The following GRID1 variants were observed in gnomAD, a reference collection of about 807,000 sequenced individuals.
GRID1 encodes glutamate ionotropic receptor delta type subunit 1.
In GRID1, 28 loss-of-function variants were observed where a neutral mutation model predicts 98.0. The observed-to-expected ratio is 0.29, with a 90% confidence interval of 0.21 to 0.39. The LOEUF (loss-of-function observed/expected upper bound fraction) is 0.39, where lower values mean the gene tolerates loss of function less well. GRID1 is among the 10% of genes least tolerant of loss of function. The pLI, the probability that GRID1 is intolerant of heterozygous loss-of-function variation, is 1.00. For synonymous variants in GRID1, 553 were observed against 538.5 expected (o/e 1.03, Z -0.37); for missense variants, 1,111 against 1,340.5 (o/e 0.83, Z 2.67).
chr10:86,172,652 G>T (rs919472528), intron 3 of GRID1, among the ~76,000 whole-genome samples: 11 of 152,100 alleles, frequency 7.2e-5, no homozygotes, highest in African/African-American at 2.7e-4. Context: ...CAGGAAACTC[G>T]ATTGATAGTT....
chr10:86,099,181 T>A (rs1006783827), intron 4 of GRID1, among the ~76,000 whole-genome samples: 20 of 152,170 alleles, frequency 1.3e-4, no homozygotes, highest in African/African-American at 4.3e-4. Context: ...TGGTTCTGAG[T>A]CCACATCTAT....
At chr10:85,670,271 ATGT>A (rs1336045225) in intron 12 of GRID1, among the ~76,000 whole-genome samples, 1 of 152,114 alleles carries the variant, frequency 6.6e-6, no homozygotes, top group African/African-American at 2.4e-5. Context: ...TTGGAAAATG[ATGT>A]TGTGTAGACG....
At chr10:85,851,540 T>C (rs1295306498) in intron 8 of GRID1, among the ~76,000 whole-genome samples, 1 of 152,208 alleles carries the variant, frequency 6.6e-6, no homozygotes. Context: ...TAATCTAAAA[T>C]GTCTGGGTGA....
intron 6 of GRID1, among the ~76,000 whole-genome samples, chr10:85,864,951 T>C (rs1235010970): frequency 6.6e-6 from 1 of 152,068 alleles, no homozygotes; most frequent in Non-Finnish European, 1.5e-5. Flanking sequence ...TGAATATAAA[T>C]GGGGGGATGG....
intron 15 of GRID1, among the ~76,000 whole-genome samples, chr10:85,608,804 G>A (rs949023407): frequency 1.3e-5 from 2 of 152,228 alleles, no homozygotes; most frequent in African/African-American, 2.4e-5. Flanking sequence ...GAGATACACA[G>A]CGGTGTATGG....
chr10:86,217,643 C>G (rs963003775), intron 2 of GRID1, among the ~76,000 whole-genome samples: 2 of 152,144 alleles, frequency 1.3e-5, no homozygotes, highest in African/African-American at 2.4e-5. Flanking sequence ...CACATGCCTG[C>G]GGGTTTGGTG....
chr10:86,029,061 T>C (rs1273386637), intron 4 of GRID1, among the ~76,000 whole-genome samples: 1 of 152,180 alleles, frequency 6.6e-6, no homozygotes, highest in African/African-American at 2.4e-5. Context: ...AGTCCCCAGG[T>C]GTACCTGCAG....
chr10:85,802,288 A>G (rs117783022), intron 8 of GRID1, among the ~76,000 whole-genome samples: 5,022 of 152,228 alleles, frequency 0.033, 126 homozygotes, highest in Non-Finnish European at 0.047. Context: ...TGGGAGAGAG[A>G]ACCCAACTTA....
intron 4 of GRID1, among the ~76,000 whole-genome samples, chr10:86,101,906 T>C (rs1403159097): frequency 2.6e-5 from 4 of 152,194 alleles, no homozygotes; most frequent in Non-Finnish European, 5.9e-5. Context: ...TAATATTCCA[T>C]TGTATGGCTG....
chr10:86,052,952 A>C (rs963135154), intron 4 of GRID1, among the ~76,000 whole-genome samples: 1 of 152,232 alleles, frequency 6.6e-6, no homozygotes, highest in Non-Finnish European at 1.5e-5. Flanking sequence ...GAAAATCACT[A>C]AGAATGTGCT....
intron 2 of GRID1, among the ~76,000 whole-genome samples, chr10:86,231,824 C>T (rs1172419447): frequency 1.3e-5 from 2 of 152,174 alleles, no homozygotes. Context: ...CAAACCTCTT[C>T]ACAGTAACAT....
intron 2 of GRID1, among the ~76,000 whole-genome samples, chr10:86,321,878 G>A (rs1847975703): frequency 6.6e-6 from 1 of 152,074 alleles, no homozygotes. Flanking sequence ...CTCACAGATA[G>A]GACAACAGAA....
chr10:86,126,180 G>T (rs1037138407), intron 4 of GRID1, among the ~76,000 whole-genome samples: 1 of 152,238 alleles, frequency 6.6e-6, no homozygotes, highest in African/African-American at 2.4e-5. Context: ...ACTCGGCCGG[G>T]CGTGGTGGCT....
At chr10:86,076,740 G>C (rs1843887341) in intron 4 of GRID1, among the ~76,000 whole-genome samples, 1 of 151,430 alleles carries the variant, frequency 6.6e-6, no homozygotes, top group East Asian at 1.9e-4. Flanking sequence ...CGAGCAATCT[G>C]TTGGCAGGAT....
chr10:86,129,713 G>C (rs995080787), intron 4 of GRID1, among the ~76,000 whole-genome samples: 2 of 152,208 alleles, frequency 1.3e-5, no homozygotes, highest in Admixed American at 1.3e-4. Flanking sequence ...CTTCCACCCA[G>C]GAAGCTCATC....
chr10:86,071,522 G>T (rs73344047), intron 4 of GRID1, among the ~76,000 whole-genome samples: 1 of 152,226 alleles, frequency 6.6e-6, no homozygotes, highest in Non-Finnish European at 1.5e-5. Flanking sequence ...GCCTCTGAAA[G>T]CAACACCTTT....
chr10:85,619,605 C>T (rs566711009), intron 14 of GRID1, among the ~76,000 whole-genome samples: 2 of 152,252 alleles, frequency 1.3e-5, no homozygotes, highest in South Asian at 2.1e-4. Flanking sequence ...GACGTCCTTG[C>T]CATGTGCTAA....
chr10:86,162,990 G>A (rs1845343843), intron 3 of GRID1, among the ~76,000 whole-genome samples: 1 of 152,218 alleles, frequency 6.6e-6, no homozygotes, highest in South Asian at 2.1e-4. Context: ...TTGAGTTGGA[G>A]AGGCCTGTAC....
chr10:86,206,351 C>A lies in GRID1; in HGVS notation c.520+13G>T. 6.3e-7 allele frequency: 1 copy of A among 1,579,170 alleles called. No homozygotes were observed. ...TCCCCAAGCAGCCCCAGCTCGCCTGCCGGACAACTCACCATACTCGCTGTC... is the reference window on the plus strand; with the variant it reads ...TCCCCAAGCAGCCCCAGCTCGCCTGACGGACAACTCACCATACTCGCTGTC... On this transcript the variant is annotated intron_variant, in intron 3 of 15. Coordinates refer to ENST00000327946, the MANE Select transcript of GRID1 (RefSeq NM_017551.3). This position sits in a 1 kb window ranked among gnomAD's most constrained non-coding sequence, Gnocchi z 4.1.
Sources: gnomAD v4.1 joint callset for allele counts (sites outside exome capture counted in the v4.1 genomes callset) on GRCh38, gnomAD v4.1.1 for gene constraint, Gnocchi (gnomAD v3.1) non-coding constraint, MANE v1.5 for transcripts, NCBI Gene and HGNC (gene_info 2026-07-23, HGNC 2026-07-21) for gene names.